The following TRPM2 variants were observed in gnomAD, a reference collection of about 807,000 sequenced individuals.
The protein encoded by TRPM2 is estrogen-responsive element-associated gene 1 protein.
A neutral mutation model predicts 174.0 loss-of-function variants in TRPM2; 161 were observed. The observed-to-expected ratio is 0.93, with a 90% CI of 0.81 to 1.05. The LOEUF (loss-of-function observed/expected upper bound fraction) is 1.05. Ranked by LOEUF, TRPM2 falls within the 50% of genes least tolerant of loss-of-function variation. TRPM2 has a pLI of 0.00. For synonymous variants in TRPM2, 954 were observed against 861.3 expected, an observed-to-expected ratio of 1.11 and a Z score of -1.88; for missense variants, 2,057 against 2,038.0, an observed-to-expected ratio of 1.01 and a Z score of -0.18.
At chr21:44,419,571 T>TGG in intron 22 of TRPM2, among the ~76,000 whole-genome samples, 1 of 151,292 alleles carries the variant, frequency 6.6e-6, no homozygotes, top group Non-Finnish European at 1.5e-5. Context: ...ATGGTGGTGG[T>TGG]GGTGATGGTA....
At chr21:44,360,253 T>C (rs1009566309) in intron 2 of TRPM2, among the ~76,000 whole-genome samples, 14 of 152,182 alleles carry the variant, frequency 9.2e-5, no homozygotes, top group Non-Finnish European at 1.6e-4. Flanking sequence ...GATTGCCGCA[T>C]TCTTGCCAGA....
intron 2 of TRPM2, among the ~76,000 whole-genome samples, chr21:44,363,157 C>T (rs2048266044): frequency 6.6e-6 from 1 of 152,194 alleles, no homozygotes; most frequent in Admixed American, 6.5e-5. Context: ...TTTATCCTGT[C>T]TGGTGTTCAC....
At chr21:44,440,503 A>C (rs1413517276) in intron 30 of TRPM2, among the ~76,000 whole-genome samples, 3 of 152,058 alleles carry the variant, frequency 2.0e-5, no homozygotes, top group Admixed American at 6.5e-5. Context: ...GTGGACTCCT[A>C]CAACAGGTGG....
chr21:44,406,813 GGA>G (rs1271951898), intron 19 of TRPM2, 48 bp downstream of exon 19: 5 of 1,557,626 alleles, frequency 3.2e-6, no homozygotes, highest in Non-Finnish European at 4.3e-6. Flanking sequence ...CCGGGAAGCA[GGA>G]GAGAGGCTGG....
At chr21:44,382,896 G>A (rs1169557585) in intron 9 of TRPM2, 76 bp downstream of exon 9, 1 of 1,366,984 alleles carries the variant, frequency 7.3e-7, no homozygotes, top group Non-Finnish European at 1.0e-6. Flanking sequence ...TTCTAGTCTT[G>A]AAGTGCCATG....
intron 22 of TRPM2, among the ~76,000 whole-genome samples, chr21:44,421,696 A>G (rs973440937): frequency 1.3e-5 from 2 of 152,148 alleles, no homozygotes; most frequent in African/African-American, 4.8e-5. Flanking sequence ...GGATTTCTTG[A>G]GGCCAAAAGT....
chr21:44,433,747 G>A (rs536596276), intron 27 of TRPM2, among the ~76,000 whole-genome samples: 12 of 152,300 alleles, frequency 7.9e-5, no homozygotes, highest in East Asian at 1.9e-4. Flanking sequence ...AGAGGAGACC[G>A]CAGAGTGAGC....
Position 44,442,347 on chromosome 21 carries a change from C to A in TRPM2, c.*530C>A, listed in dbSNP as rs2051538944. 2 of 152,376 alleles carry A rather than the reference C, an allele frequency of 1.3e-5. No individual in the cohort carries two copies. Among genetic ancestry groups the A allele is most frequent in the Non-Finnish European group, 1.5e-5 (1 of 68,126 alleles). The allele number at this position is 152,376 out of a possible 1,614,324, so 9.4% of individuals were successfully genotyped here. A position where few individuals can be genotyped will look rare whatever the true frequency, so the allele number is the denominator to read the frequency against. ...CTAGGGGCACTGTCTGAACTCCTGA[C>A]TGTCAGGATAAACTCCGTGGGGGTA... On this transcript the variant is annotated 3_prime_UTR_variant, in exon 32 of 32. Coordinates refer to ENST00000397928, the MANE Select transcript of TRPM2 (RefSeq NM_003307.4).
chr21:44,406,746 G>A lies in TRPM2; in HGVS notation c.2943G>A (p.Gln981=), dbSNP rs780700161. 3.5e-5 allele frequency: 57 copies of A among 1,606,218 alleles called. No individual in the cohort carries two copies. The East Asian group carries it at 1.2e-3, about 33-fold the overall frequency. ...VYHSYLTIFG[Q]IPGYIDGVNF... is the part of the protein sequence containing the mutation. ...ACTCCTACCTCACCATCTTCGGGCA[G>A]ATCCCGGGCTACATCGACGGTAGGA... The change falls in exon 19 of 32, where the codon CAG becomes CAA. Residue 981 remains glutamine (Q), a synonymous_variant. Coordinates refer to ENST00000397928, the MANE Select transcript of TRPM2 (RefSeq NM_003307.4).
intron 28 of TRPM2, 36 bp downstream of exon 28, chr21:44,435,253 A>C: frequency 6.3e-7 from 1 of 1,598,204 alleles, no homozygotes; most frequent in Middle Eastern, 1.8e-4. Context: ...GCACCTCAGC[A>C]AGGCGGTCAC....
chr21:44,356,377 G>A (rs143168139), intron 2 of TRPM2, among the ~76,000 whole-genome samples: 6 of 151,338 alleles, frequency 4.0e-5, no homozygotes, highest in Admixed American at 3.9e-4. Flanking sequence ...AAGGGGTCCC[G>A]ATCCAGACCC....
intron 20 of TRPM2, chr21:44,416,740 TGTGG>T: frequency 4.9e-6 from 1 of 203,414 alleles, no homozygotes; most frequent in South Asian, 5.9e-5. Context: ...CTCTGCTCTC[TGTGG>T]CATCACAGTG....
chr21:44,356,836 C>G (rs1308219279), intron 2 of TRPM2, among the ~76,000 whole-genome samples: 1 of 152,200 alleles, frequency 6.6e-6, no homozygotes, highest in African/African-American at 2.4e-5. Flanking sequence ...TTTCCCAGAA[C>G]TGATTTCCTC....
intron 18 of TRPM2, among the ~76,000 whole-genome samples, 167 bp downstream of exon 18, chr21:44,406,204 C>T (rs955472671): frequency 6.6e-6 from 1 of 152,120 alleles, no homozygotes; most frequent in Non-Finnish European, 1.5e-5. Flanking sequence ...CGTATCTTTG[C>T]CTGTACGTCA....
At chr21:44,364,352 C>G in intron 3 of TRPM2, 70 bp downstream of exon 3, 2 of 1,561,794 alleles carry the variant, frequency 1.3e-6, no homozygotes, top group Non-Finnish European at 1.7e-6. Context: ...ACGCGGTGGT[C>G]GGCATTTCCT....
At position 44,391,102 on chromosome 21, in the gene TRPM2, A is replaced by T. The variant is rs1225918184; in HGVS notation, c.1440+77A>T. 1.2e-6 allele frequency: 2 copies of T among 1,600,240 alleles called. No homozygotes were observed. On this transcript the variant is annotated intron_variant, in intron 10 of 31. Transcript: ENST00000397928. The surrounding 1 kb of genome is among the most constrained non-coding windows in gnomAD (Gnocchi z 5.0). ...GCACCACTGAAGCAAGGGCAGGCAA[A>T]GTTCGCATTGTCTGGATCCCAGCCC...
At chr21:44,409,437 A>T (rs1308304221) in intron 19 of TRPM2, among the ~76,000 whole-genome samples, 2 of 152,146 alleles carry the variant, frequency 1.3e-5, no homozygotes, top group African/African-American at 4.8e-5. Flanking sequence ...GACTCCACTG[A>T]TGTCTGTCCT....
intron 19 of TRPM2, among the ~76,000 whole-genome samples, chr21:44,408,308 T>C (rs143973068): frequency 1.3e-5 from 2 of 151,966 alleles, no homozygotes; most frequent in African/African-American, 4.8e-5. Context: ...GGGTTTTGTG[T>C]GGGTATGTTT....
In TRPM2 at chr21:44,376,389, G is replaced by A. The variant is rs942152123; in HGVS notation, c.952+376G>A. On this transcript the variant is annotated intron_variant, in intron 6 of 31. Transcript: ENST00000397928. The surrounding 1 kb of genome is among the most constrained non-coding windows in gnomAD (Gnocchi z 4.2). ...GGGCTGGCAGCTCACCTGTGTGCTC[G>A]CAGGTAATGGGCCAACCTACATTTT... 4.6e-5 allele frequency among the ~76,000 whole-genome samples: 7 copies of A among 152,122 alleles called. No homozygotes were observed. The highest frequency in any genetic ancestry group is 1.9e-4 in the East Asian group (1 of 5,180).
Sources: gnomAD v4.1 joint callset for allele counts (sites outside exome capture counted in the v4.1 genomes callset) on GRCh38, gnomAD v4.1.1 for gene constraint, Gnocchi (gnomAD v3.1) non-coding constraint, MANE v1.5 for transcripts, NCBI Gene and HGNC (gene_info 2026-07-23, HGNC 2026-07-21) for gene names.